The following ISM1 variants were observed in gnomAD, a reference collection of about 807,000 sequenced individuals.
ISM1 encodes isthmin-1.
In ISM1, 25 loss-of-function variants were observed where a neutral mutation model predicts 46.3. The ratio of observed to expected loss-of-function variants is 0.54; its 90% CI spans 0.39 to 0.75. The LOEUF is 0.75. Among genes scored for constraint, ISM1 ranks in the 30% least tolerant of loss-of-function variants. The probability of loss-of-function intolerance (pLI) is 0.00; values close to 1 mark genes in which losing one functional copy is unlikely to be tolerated. For synonymous variants in ISM1, 255 were observed against 256.7 expected, an observed-to-expected ratio of 0.99 and a Z score of 0.06; for missense variants, 536 against 625.4, an observed-to-expected ratio of 0.86 and a Z score of 1.52.
intron 3 of ISM1, among the ~76,000 whole-genome samples, chr20:13,281,898 A>G (rs778613489): frequency 2.6e-5 from 4 of 152,194 alleles, no homozygotes; most frequent in African/African-American, 9.7e-5. Flanking sequence ...AAAAATGCCA[A>G]TTCTGGGCTG....
At chr20:13,323,591 T>G in the ISM1 span, among the ~76,000 whole-genome samples, 2,346 of 152,316 alleles carry the variant, frequency 0.015, 58 homozygotes, top group African/African-American at 0.054. Flanking sequence ...AGGCAACATA[T>G]AGTATCTCAT....
intron 1 of ISM1, among the ~76,000 whole-genome samples, chr20:13,223,326 C>G (rs1247276384): frequency 1.3e-5 from 2 of 152,038 alleles, no homozygotes; most frequent in South Asian, 2.1e-4. Flanking sequence ...AAAGAGAAAA[C>G]TAATAAAACA....
the ISM1 span, among the ~76,000 whole-genome samples, chr20:13,306,564 C>CAAAAAAAAAAAAAAAAAAAAAAAAG: frequency 4.7e-5 from 3 of 63,914 alleles, no homozygotes; most frequent in Non-Finnish European, 7.9e-5. Flanking sequence ...GGAGAAAGGA[C>CAAAAAAAAAAAAAAAAAAAAAAAAG]AAAAAAAAAA....
At chr20:13,293,787 A>C (rs1042663795) in intron 5 of ISM1, among the ~76,000 whole-genome samples, 7 of 152,124 alleles carry the variant, frequency 4.6e-5, no homozygotes, top group Non-Finnish European at 8.8e-5. Context: ...CAGCCTGGCC[A>C]ACATGGGGAA....
chr20:13,262,976 C>T (rs539853732), intron 1 of ISM1, among the ~76,000 whole-genome samples: 1 of 152,322 alleles, frequency 6.6e-6, no homozygotes, highest in African/African-American at 2.4e-5. Flanking sequence ...ACAGCAGGCT[C>T]CATTCCCAAA....
Position 13,270,635 on chromosome 20 carries a change from G to C in ISM1, c.270G>C (p.Thr90=). 2 of 1,613,930 alleles carry C rather than the reference G, an allele frequency of 1.2e-6. No homozygotes were observed. The highest frequency in any genetic ancestry group is 2.2e-5 in the South Asian group (2 of 91,054). Residue 90 remains threonine, a synonymous_variant, in exon 2 of 6, where the codon ACG becomes ACC. Coordinates refer to ENST00000262487, the MANE Select transcript of ISM1 (RefSeq NM_080826.2). ...CCAGACCGCGATTCCGACAAGAGAC[G>C]GGGCACCCTTCATTGCAAAGAGATT... ...PFPRPRFRQE[T]GHPSLQRDFP...
At chr20:13,249,087 A>G (rs6134834) in intron 1 of ISM1, among the ~76,000 whole-genome samples, 38,998 of 152,092 alleles carry the variant, frequency 0.26, 5,128 homozygotes, top group African/African-American at 0.33. Flanking sequence ...GCCTTTATCC[A>G]AATATTACTC....
chr20:13,310,536 A>G, the ISM1 span, among the ~76,000 whole-genome samples: 1 of 152,246 alleles, frequency 6.6e-6, no homozygotes, highest in African/African-American at 2.4e-5. Flanking sequence ...CTCCTGCCCA[A>G]ATATGTAGGC....
chr20:13,238,394 A>G (rs984945472), intron 1 of ISM1, among the ~76,000 whole-genome samples: 1 of 152,248 alleles, frequency 6.6e-6, no homozygotes, highest in Non-Finnish European at 1.5e-5. Context: ...GGCAAAATTC[A>G]TAGCCCATTA....
intron 1 of ISM1, 102 bp downstream of exon 1, chr20:13,222,016 GC>G: frequency 9.0e-7 from 1 of 1,112,794 alleles, no homozygotes; most frequent in Non-Finnish European, 1.2e-6. Flanking sequence ...CAGGTCCCCT[GC>G]CCCACCTAAG....
chr20:13,258,049 G>A (rs2039946997), intron 1 of ISM1, among the ~76,000 whole-genome samples: 1 of 152,152 alleles, frequency 6.6e-6, no homozygotes, highest in Non-Finnish European at 1.5e-5. Context: ...GATGTCATGA[G>A]ACCAGATTTA....
At chr20:13,312,182 C>T in the ISM1 span, among the ~76,000 whole-genome samples, 43 of 152,080 alleles carry the variant, frequency 2.8e-4, 1 homozygote, top group Non-Finnish European at 1.9e-4. Flanking sequence ...ATATTTTAAA[C>T]CAAGTACCAA....
the ISM1 span, among the ~76,000 whole-genome samples, chr20:13,319,241 T>C: frequency 2.6e-5 from 4 of 152,054 alleles, no homozygotes; most frequent in African/African-American, 9.7e-5. Flanking sequence ...AAACACTAAT[T>C]GCAGAAAACC....
chr20:13,311,216 T>TGATAGATAGATA, the ISM1 span, among the ~76,000 whole-genome samples: 1,221 of 133,228 alleles, frequency 9.2e-3, 16 homozygotes, highest in Middle Eastern at 0.018. Context: ...TATAGATAGA[T>TGATAGATAGATA]GATAGATAGA....
chr20:13,266,407 G>C (rs1466869774), intron 1 of ISM1, among the ~76,000 whole-genome samples: 1 of 152,170 alleles, frequency 6.6e-6, no homozygotes, highest in Non-Finnish European at 1.5e-5. Flanking sequence ...AGCAATGGAA[G>C]AGTTCATGTG....
At chr20:13,240,913 T>C (rs2039713716) in intron 1 of ISM1, among the ~76,000 whole-genome samples, 1 of 152,092 alleles carries the variant, frequency 6.6e-6, no homozygotes, top group Non-Finnish European at 1.5e-5. Flanking sequence ...ATATGGGACA[T>C]GTGGAATATG....
the ISM1 span, among the ~76,000 whole-genome samples, chr20:13,311,243 T>TAGATGATAGATAGATA: frequency 1.4e-3 from 185 of 127,910 alleles, 1 homozygote; most frequent in Middle Eastern, 7.7e-3. Flanking sequence ...GATAGATAGA[T>TAGATGATAGATAGATA]GATAGATAGA....
chr20:13,224,926 A>G (rs1420044613), intron 1 of ISM1, among the ~76,000 whole-genome samples: 4 of 145,676 alleles, frequency 2.7e-5, no homozygotes, highest in African/African-American at 1.0e-4. Flanking sequence ...GCTCACTGCA[A>G]CCTCCACTTC....
chr20:13,235,927 C>CCT (rs2039643187), intron 1 of ISM1, among the ~76,000 whole-genome samples: 2 of 149,654 alleles, frequency 1.3e-5, no homozygotes, highest in South Asian at 2.1e-4. Context: ...TTGTACTTCC[C>CCT]TTTTTTCTTT....
Sources: allele counts gnomAD v4.1 joint callset (sites outside exome capture counted in the v4.1 genomes callset), GRCh38; gene constraint gnomAD v4.1.1; transcripts MANE v1.5; gene names NCBI Gene and HGNC (gene_info 2026-07-23, HGNC 2026-07-21).